Variants in CMSS1 observed in about 807,000 individuals in gnomAD.
CMSS1 encodes cms1 ribosomal small subunit homolog, also known as protein CMSS1.
In CMSS1, 33 loss-of-function variants were observed where a neutral mutation model predicts 43.5. The ratio of observed to expected loss-of-function variants is 0.76; its 90% CI spans 0.57 to 1.01. The LOEUF is 1.01. Among genes scored for constraint, CMSS1 ranks in the 50% least tolerant of loss-of-function variants. The pLI, the probability that CMSS1 is intolerant of heterozygous loss-of-function variation, is 0.00. For missense variants in CMSS1, 313 were observed against 326.4 expected (o/e 0.96, Z 0.32); for synonymous variants, 115 against 117.2 (o/e 0.98, Z 0.12).
intron 1 of CMSS1, among the ~76,000 whole-genome samples, chr3:100,130,570 T>C (rs1018672714): frequency 1.3e-5 from 2 of 152,166 alleles, no homozygotes; most frequent in Non-Finnish European, 2.9e-5. Context: ...ACAGACGCAA[T>C]GTGAAGAGTT....
chr3:100,016,546 G>C (rs1710345708), intron 1 of CMSS1, among the ~76,000 whole-genome samples: 2 of 152,058 alleles, frequency 1.3e-5, no homozygotes, highest in Non-Finnish European at 2.9e-5. Context: ...CTTCTGTGAG[G>C]GTGCCTTGCT....
intron 1 of CMSS1, among the ~76,000 whole-genome samples, chr3:99,995,137 C>T (rs1709639315): frequency 2.0e-5 from 3 of 152,070 alleles, no homozygotes; most frequent in African/African-American, 4.8e-5. Flanking sequence ...ACCTATGAGC[C>T]AGTAAAATCA....
At chr3:99,938,084 C>T (rs1035620186) in intron 1 of CMSS1, among the ~76,000 whole-genome samples, 40 of 151,616 alleles carry the variant, frequency 2.6e-4, no homozygotes, top group Middle Eastern at 3.4e-3. Context: ...TGCGCGCGCG[C>T]GCGCGCGTGC....
At chr3:99,863,418 T>G (rs945123625) in intron 1 of CMSS1, among the ~76,000 whole-genome samples, 1 of 152,110 alleles carries the variant, frequency 6.6e-6, no homozygotes, top group African/African-American at 2.4e-5. Context: ...AAAGTCTGGG[T>G]GGGTTGACTG....
chr3:99,901,588 A>G (rs1331763519), intron 1 of CMSS1, among the ~76,000 whole-genome samples: 1 of 152,236 alleles, frequency 6.6e-6, no homozygotes, highest in Non-Finnish European at 1.5e-5. Context: ...TTGTGCTGAC[A>G]ATAATATTAC....
At chr3:100,006,127 T>TA (rs1709978239) in intron 1 of CMSS1, among the ~76,000 whole-genome samples, 2 of 152,128 alleles carry the variant, frequency 1.3e-5, no homozygotes, top group East Asian at 3.8e-4. Context: ...GTTGCAGTTA[T>TA]AAAACTCTGT....
chr3:100,040,265 AT>A (rs2065181553), intron 1 of CMSS1: 1 of 152,178 alleles, frequency 6.6e-6, no homozygotes, highest in Admixed American at 6.5e-5. Context: ...TTATTTGCAT[AT>A]TTCATTTGCA....
intron 1 of CMSS1, among the ~76,000 whole-genome samples, chr3:100,059,433 A>T (rs1392322950): frequency 6.6e-6 from 1 of 151,760 alleles, no homozygotes; most frequent in African/African-American, 2.4e-5. Context: ...CTGCTTCTTC[A>T]CTCTAGCCTT....
intron 1 of CMSS1, among the ~76,000 whole-genome samples, chr3:100,108,727 C>T (rs745969610): frequency 5.3e-5 from 8 of 152,142 alleles, no homozygotes; most frequent in Non-Finnish European, 1.2e-4. Flanking sequence ...TGTTAGATAA[C>T]TAAGTAAGCA....
At chr3:99,849,329 G>A in intron 1 of CMSS1, 1 of 1,614,046 alleles carries the variant, frequency 6.2e-7, no homozygotes, top group Non-Finnish European at 8.5e-7. Flanking sequence ...TTGAGACTAG[G>A]CCTGAGGCTC....
chr3:99,998,663 C>T (rs987915278), intron 1 of CMSS1, among the ~76,000 whole-genome samples: 17 of 152,104 alleles, frequency 1.1e-4, no homozygotes, highest in African/African-American at 3.6e-4. Context: ...CCCGGGTTCA[C>T]GCGATTCTCC....
intron 1 of CMSS1, among the ~76,000 whole-genome samples, chr3:100,084,445 T>A (rs1457955804): frequency 1.3e-5 from 2 of 152,194 alleles, no homozygotes; most frequent in Admixed American, 1.3e-4. Context: ...ACTTTCAGAT[T>A]TCAGATATAT....
chr3:100,166,901 G>A (rs1168958480), intron 5 of CMSS1, among the ~76,000 whole-genome samples: 1 of 151,752 alleles, frequency 6.6e-6, no homozygotes, highest in Non-Finnish European at 1.5e-5. Context: ...ACCACAAGCA[G>A]CTAATTTTTT....
intron 3 of CMSS1, among the ~76,000 whole-genome samples, chr3:100,160,837 C>T (rs1208168692): frequency 3.9e-5 from 6 of 152,114 alleles, no homozygotes; most frequent in African/African-American, 9.7e-5. Context: ...TGGCTCTGTC[C>T]ATGAAAAGAA....
chr3:100,128,668 CA>C (rs1477847797), intron 1 of CMSS1, among the ~76,000 whole-genome samples: 1 of 152,192 alleles, frequency 6.6e-6, no homozygotes, highest in Non-Finnish European at 1.5e-5. Context: ...TCCCCACACC[CA>C]TATACACAGA....
intron 1 of CMSS1, among the ~76,000 whole-genome samples, chr3:100,104,583 C>A (rs937148969): frequency 6.6e-6 from 1 of 152,238 alleles, no homozygotes; most frequent in South Asian, 2.1e-4. Context: ...AGAGAAGAAC[C>A]GAGTACAGAT....
At chr3:99,875,296 A>G (rs1437076805) in intron 1 of CMSS1, among the ~76,000 whole-genome samples, 1 of 152,206 alleles carries the variant, frequency 6.6e-6, no homozygotes, top group African/African-American at 2.4e-5. Flanking sequence ...GATGTAACTA[A>G]TTATGGTTTA....
At chr3:99,971,120 T>G (rs112676473) in intron 1 of CMSS1, among the ~76,000 whole-genome samples, 324 of 152,022 alleles carry the variant, frequency 2.1e-3, no homozygotes, top group African/African-American at 6.7e-3. Context: ...GGCGGATCAC[T>G]AGGTCAGGAG....
intron 1 of CMSS1, among the ~76,000 whole-genome samples, chr3:99,990,712 C>A (rs1709486069): frequency 6.6e-6 from 1 of 151,754 alleles, no homozygotes; most frequent in South Asian, 2.1e-4. Flanking sequence ...AGTTGAAAAC[C>A]CATTTCCTAT....
Sources: gnomAD v4.1 joint callset for allele counts (sites outside exome capture counted in the v4.1 genomes callset) on GRCh38, gnomAD v4.1.1 for gene constraint, MANE v1.5 for transcripts, NCBI Gene and HGNC (gene_info 2026-07-23, HGNC 2026-07-21) for gene names.